LRP1B: variants seen among roughly 807,000 people sequenced by gnomAD.
LRP1B encodes LDL receptor related protein 1B.
In LRP1B, 217 loss-of-function variants were observed where a neutral mutation model predicts 556.6. The observed-to-expected ratio is 0.39, with a 90% CI of 0.35 to 0.44. The LOEUF (loss-of-function observed/expected upper bound fraction) is 0.44. LRP1B is among the 20% of genes least tolerant of loss of function. The pLI, the probability that LRP1B is intolerant of heterozygous loss-of-function variation, is 1.00. For missense variants in LRP1B, 5,053 were observed against 5,620.8 expected (o/e 0.90, Z 3.23); for synonymous variants, 2,047 against 1,865.8 (o/e 1.10, Z -2.50).
intron 54 of LRP1B, among the ~76,000 whole-genome samples, chr2:140,502,490 T>C (rs574327357): frequency 6.6e-6 from 1 of 152,082 alleles, no homozygotes; most frequent in Non-Finnish European, 1.5e-5. Context: ...CTGTAATATG[T>C]GATTATATAT....
rs1272403505 is a variant in LRP1B, at chr2:140,700,304, C to T, written c.6745G>A (p.Gly2249Arg). The change falls in exon 41 of 91, where the codon GGA becomes AGA. Residue 2249 changes from glycine (G) to arginine (R), a missense_variant. Coordinates refer to ENST00000389484, the MANE Select transcript of LRP1B (RefSeq NM_018557.3). The stretch of plus-strand genomic sequence containing the variant: ...TTGTCTTTAATAAGCTGTATATTTC[C>T]AAAGTGTGCATCACTGTAAAAGATT... ...NRIFYSDAHF[G>R]NIQLIKDNWE... 6.2e-7 allele frequency: 1 copy of T among 1,612,488 alleles called. No individual in the cohort carries two copies. Among genetic ancestry groups the T allele is most frequent in the Admixed American group, 1.7e-5 (1 of 59,848 alleles).
intron 1 of LRP1B, among the ~76,000 whole-genome samples, chr2:141,983,070 T>C (rs963530370): frequency 6.6e-6 from 1 of 152,172 alleles, no homozygotes; most frequent in African/African-American, 2.4e-5. Context: ...AATGATTTTC[T>C]GCAGCAAAAT....
chr2:141,860,357 T>C (rs1698197314), intron 1 of LRP1B, among the ~76,000 whole-genome samples: 1 of 152,204 alleles, frequency 6.6e-6, no homozygotes, highest in African/African-American at 2.4e-5. Flanking sequence ...AATCCTACCA[T>C]ATTGATGGAA....
At chr2:141,040,947 C>T (rs1574010234) in intron 11 of LRP1B, among the ~76,000 whole-genome samples, 1 of 152,224 alleles carries the variant, frequency 6.6e-6, no homozygotes, top group East Asian at 1.9e-4. Flanking sequence ...CTATTCTTCT[C>T]TTCATAATGT....
chr2:142,066,856 A>G (rs941017821), intron 1 of LRP1B, among the ~76,000 whole-genome samples: 2 of 151,518 alleles, frequency 1.3e-5, no homozygotes, highest in African/African-American at 4.8e-5. Flanking sequence ...TTAACAAAGT[A>G]CCACAAATCA....
intron 2 of LRP1B, among the ~76,000 whole-genome samples, chr2:141,784,863 T>C (rs911667390): frequency 6.6e-6 from 1 of 152,044 alleles, no homozygotes; most frequent in Non-Finnish European, 1.5e-5. Context: ...TCTTGCCCAA[T>C]TTCTTTTACG....
At chr2:141,028,866 T>C (rs891969781) in intron 11 of LRP1B, among the ~76,000 whole-genome samples, 1 of 152,112 alleles carries the variant, frequency 6.6e-6, no homozygotes, top group East Asian at 1.9e-4. Flanking sequence ...CTATTGAAGC[T>C]TACATTCTTG....
intron 3 of LRP1B, among the ~76,000 whole-genome samples, chr2:141,260,318 T>C (rs1274510279): frequency 6.6e-6 from 1 of 152,206 alleles, no homozygotes; most frequent in African/African-American, 2.4e-5. Context: ...ACAAATAATT[T>C]TTATGAAATA....
intron 2 of LRP1B, among the ~76,000 whole-genome samples, chr2:141,526,181 T>C (rs1485736864): frequency 6.6e-6 from 1 of 152,032 alleles, no homozygotes; most frequent in Non-Finnish European, 1.5e-5. Context: ...TGACAATAGT[T>C]AGACATTTTC....
chr2:140,609,066 G>C (rs1231600906), intron 41 of LRP1B, among the ~76,000 whole-genome samples: 1 of 152,066 alleles, frequency 6.6e-6, no homozygotes, highest in Non-Finnish European at 1.5e-5. Context: ...TGTAGTCACC[G>C]GAGATAAGCA....
intron 75 of LRP1B, among the ~76,000 whole-genome samples, chr2:140,353,278 A>T (rs906545801): frequency 6.6e-6 from 1 of 152,052 alleles, no homozygotes; most frequent in Non-Finnish European, 1.5e-5. Context: ...ATCAATTGTC[A>T]TTGCTTTTAT....
At chr2:142,051,707 C>T (rs60132037) in intron 1 of LRP1B, among the ~76,000 whole-genome samples, 1,713 of 152,100 alleles carry the variant, frequency 0.011, 20 homozygotes, top group African/African-American at 0.04. Flanking sequence ...GAACTCTTGA[C>T]CTTGTGATCC....
At position 140,566,990 on chromosome 2, in the gene LRP1B, C is replaced by A. The variant is rs1466902134; in HGVS notation, c.7195-25019G>T. 2.6e-5 allele frequency among the ~76,000 whole-genome samples: 4 copies of A among 152,210 alleles called. No homozygotes were observed. In the East Asian group the frequency reaches 7.7e-4, roughly 29 times the overall value. On this transcript the variant is annotated intron_variant, in intron 43 of 90. Transcript: ENST00000389484. ...GATCCTGAGCTGAAGTGACACATTG[C>A]AACCTGGGGAATTGGTAGCTTGGCT...
chr2:141,945,786 T>A (rs1036074341), intron 1 of LRP1B, among the ~76,000 whole-genome samples: 1 of 138,898 alleles, frequency 7.2e-6, no homozygotes, highest in Admixed American at 7.6e-5. Flanking sequence ...TCTCAGCAAA[T>A]CAGAGGCCTT....
intron 2 of LRP1B, among the ~76,000 whole-genome samples, chr2:141,739,248 A>T (rs1693606682): frequency 6.6e-6 from 1 of 152,108 alleles, no homozygotes; most frequent in African/African-American, 2.4e-5. Flanking sequence ...TCAGATCAAT[A>T]ATCTCCTGGG....
intron 23 of LRP1B, among the ~76,000 whole-genome samples, chr2:140,900,469 T>C (rs911774688): frequency 8.5e-5 from 13 of 152,186 alleles, no homozygotes; most frequent in East Asian, 5.8e-4. Context: ...GAAGAAGAAA[T>C]ATAGAATAAA....
chr2:140,901,026 T>C (rs967811073), intron 23 of LRP1B, among the ~76,000 whole-genome samples: 1 of 152,158 alleles, frequency 6.6e-6, no homozygotes, highest in Non-Finnish European at 1.5e-5. Context: ...GTCGTGCTTT[T>C]TTTAAAATAA....
At chr2:141,051,696 T>G (rs1699040273) in intron 10 of LRP1B, among the ~76,000 whole-genome samples, 1 of 152,106 alleles carries the variant, frequency 6.6e-6, no homozygotes, top group African/African-American at 2.4e-5. Context: ...ATTTTAAATT[T>G]TTAAAAGAGT....
intron 21 of LRP1B, among the ~76,000 whole-genome samples, chr2:140,915,076 C>T (rs576032479): frequency 3.4e-4 from 51 of 152,152 alleles, no homozygotes; most frequent in Middle Eastern, 6.8e-3. Context: ...TGGTGACCAT[C>T]GAAACAGCCA....
Sources: allele counts gnomAD v4.1 joint callset (sites outside exome capture counted in the v4.1 genomes callset), GRCh38; gene constraint gnomAD v4.1.1; transcripts MANE v1.5; gene names NCBI Gene and HGNC (gene_info 2026-07-23, HGNC 2026-07-21).